Variants in GREB1L observed in about 807,000 individuals in gnomAD.
The protein encoded by GREB1L is GREB1-like protein.
Under a neutral mutation model 200.8 loss-of-function variants are expected in GREB1L, and 17 were observed. The observed-to-expected ratio is 0.08, with a 90% CI of 0.06 to 0.13. The LOEUF is 0.13. Ranked by LOEUF, GREB1L falls within the 10% of genes least tolerant of loss-of-function variation. The pLI is 1.00. For synonymous variants in GREB1L, 789 were observed against 893.0 expected (o/e 0.88, Z 2.08); for missense variants, 1,657 against 2,367.7 (o/e 0.70, Z 6.23).
intron 1 of GREB1L, among the ~76,000 whole-genome samples, chr18:21,293,109 G>A (rs1372649096): frequency 6.6e-6 from 1 of 152,156 alleles, no homozygotes; most frequent in African/African-American, 2.4e-5. Context: ...GGAAGTCATT[G>A]GCAAGAAAGC....
intron 5 of GREB1L, 44 bp downstream of exon 5, chr18:21,395,605 T>C: frequency 7.3e-7 from 1 of 1,362,532 alleles, no homozygotes; most frequent in Non-Finnish European, 1.0e-6. Context: ...TATGAGGGAG[T>C]TAAAATACAC....
At chr18:21,299,279 GAAA>G (rs149142489) in intron 1 of GREB1L, among the ~76,000 whole-genome samples, 7 of 101,044 alleles carry the variant, frequency 6.9e-5, no homozygotes, top group Admixed American at 1.0e-4. Context: ...ACTCAGTCTC[GAAA>G]AAAAAAAAAA....
At chr18:21,331,048 A>G (rs2039100130) in intron 1 of GREB1L, among the ~76,000 whole-genome samples, 1 of 152,216 alleles carries the variant, frequency 6.6e-6, no homozygotes, top group South Asian at 2.1e-4. Context: ...AGGCTATTTC[A>G]TCTGCGGAGT....
intron 1 of GREB1L, among the ~76,000 whole-genome samples, chr18:21,302,951 G>T (rs765210850): frequency 6.6e-6 from 1 of 152,058 alleles, no homozygotes; most frequent in Non-Finnish European, 1.5e-5. Context: ...TTGATCTCCT[G>T]ACCTCGTGAT....
chr18:21,472,638 A>G (rs2035527700), intron 15 of GREB1L, among the ~76,000 whole-genome samples: 1 of 152,302 alleles, frequency 6.6e-6, no homozygotes, highest in East Asian at 1.9e-4. Context: ...AGGGTTAAAA[A>G]GGCTTATATT....
chr18:21,350,723 AG>A (rs1453100936), intron 1 of GREB1L, among the ~76,000 whole-genome samples: 14 of 152,334 alleles, frequency 9.2e-5, no homozygotes, highest in Admixed American at 3.9e-4. Flanking sequence ...CACAGACGAT[AG>A]GAAACAACTG....
chr18:21,500,366 A>T, intron 22 of GREB1L, 60 bp downstream of exon 22: 1 of 865,114 alleles, frequency 1.2e-6, no homozygotes, highest in Non-Finnish European at 1.8e-6. Context: ...TTCCTCAAGA[A>T]GTAGAAGCCA....
intron 2 of GREB1L, among the ~76,000 whole-genome samples, chr18:21,376,736 C>T (rs1215084166): frequency 2.1e-5 from 3 of 140,076 alleles, no homozygotes; most frequent in African/African-American, 8.1e-5. Flanking sequence ...ATCCGGGAGG[C>T]GTAGCTTGCA....
chr18:21,270,126 G>A (rs1401752841), intron 1 of GREB1L, among the ~76,000 whole-genome samples: 4 of 152,116 alleles, frequency 2.6e-5, no homozygotes, highest in African/African-American at 9.7e-5. Flanking sequence ...TGGTACTTTG[G>A]AGATTGATGA....
intron 29 of GREB1L, 64 bp from the exon 30 acceptor site, chr18:21,516,549 G>A (rs1273249454): frequency 6.9e-7 from 1 of 1,449,272 alleles, no homozygotes; most frequent in East Asian, 2.5e-5. Context: ...TTATTTCTCT[G>A]TGTATAGTTA....
At chr18:21,350,531 G>A (rs760191162) in intron 1 of GREB1L, among the ~76,000 whole-genome samples, 8 of 152,008 alleles carry the variant, frequency 5.3e-5, no homozygotes, top group African/African-American at 7.2e-5. Flanking sequence ...GAGCCGCTGC[G>A]CCCAGCTAGA....
intron 32 of GREB1L, 116 bp downstream of exon 32, chr18:21,520,939 G>T (rs1034863614): frequency 2.6e-5 from 22 of 833,202 alleles, no homozygotes; most frequent in Non-Finnish European, 3.6e-5. Flanking sequence ...CTCAACGCCT[G>T]TAATCTCAGC....
intron 1 of GREB1L, among the ~76,000 whole-genome samples, chr18:21,299,428 A>G (rs2038582473): frequency 2.0e-5 from 3 of 152,032 alleles, no homozygotes; most frequent in Admixed American, 1.3e-4. Flanking sequence ...AATTATAAAT[A>G]TATAGACTCT....
At chr18:21,337,782 C>G (rs927911538) in intron 1 of GREB1L, among the ~76,000 whole-genome samples, 6 of 151,694 alleles carry the variant, frequency 4.0e-5, no homozygotes, top group East Asian at 1.9e-4. Context: ...ATCAGGAGAT[C>G]GAGACCATTC....
rs943960557 is a variant in GREB1L, at chr18:21,449,887, T to C, written c.1720+51T>C. The C allele has an allele frequency of 4.4e-6, 6 of 1,353,400 alleles. No individual in the cohort carries two copies. The African/African-American group carries it at 8.8e-5, about 20-fold the overall frequency. 83.8% of individuals were successfully genotyped at this position (1,353,400 alleles called of 1,614,324 possible). A position where few individuals can be genotyped will look rare whatever the true frequency, so the allele number is the denominator to read the frequency against. On this transcript the variant is annotated intron_variant, in intron 12 of 32. Transcript: ENST00000424526. ...TGTTTAATCAATTCATTCGACCATTTTTCCATTTAAAAATGTGTGTTATGT... is the reference window on the plus strand; with the variant it reads ...TGTTTAATCAATTCATTCGACCATTCTTCCATTTAAAAATGTGTGTTATGT...
At chr18:21,307,969 G>T (rs574144276) in intron 1 of GREB1L, among the ~76,000 whole-genome samples, 22 of 152,240 alleles carry the variant, frequency 1.4e-4, no homozygotes, top group Admixed American at 1.0e-3. Context: ...ATCCCTTTTA[G>T]TACCCCGATA....
intron 23 of GREB1L, among the ~76,000 whole-genome samples, chr18:21,505,045 T>A (rs1203063956): frequency 6.6e-6 from 1 of 152,202 alleles, no homozygotes; most frequent in Non-Finnish European, 1.5e-5. Flanking sequence ...TCTTGCTCAG[T>A]GCATCCTAAA....
rs368121820 is a variant in GREB1L at position 21,403,965 on chromosome 18, A to G, written c.803A>G (p.Asn268Ser). 3 of 1,551,374 alleles carry G rather than the reference A, an allele frequency of 1.9e-6. No individual in the cohort carries two copies. Among genetic ancestry groups the G allele is most frequent in the African/African-American group, 2.7e-5 (2 of 73,040 alleles). Residue 268 changes from asparagine (N) to serine (S), a missense_variant, in exon 7 of 33, where the codon AAT (asparagine) becomes AGT (serine). Asn to Ser is a conservative substitution (Grantham distance 46). Coordinates refer to ENST00000424526, the MANE Select transcript of GREB1L (RefSeq NM_001142966.3). ...GTGACCCCAGAAAATGGGACAACTA[A>G]TGGATACAAATCAGGATTCACTCAG... is the stretch of plus-strand genomic sequence containing the variant. ...STVTPENGTT[N>S]GYKSGFTQTD... is the part of the protein sequence containing the mutation.
intron 2 of GREB1L, among the ~76,000 whole-genome samples, chr18:21,374,850 C>CTTTTTTT (rs535722957): frequency 1.5e-5 from 2 of 130,258 alleles, no homozygotes. Context: ...TTTCCTTTTC[C>CTTTTTTT]TTTTTTTTTT....
Sources: allele counts gnomAD v4.1 joint callset (sites outside exome capture counted in the v4.1 genomes callset), GRCh38; gene constraint gnomAD v4.1.1; transcripts MANE v1.5; gene names NCBI Gene and HGNC (gene_info 2026-07-23, HGNC 2026-07-21).